The following CARS2 variants were observed in gnomAD, a reference collection of about 807,000 sequenced individuals.
The protein encoded by CARS2 is cysteinyl-tRNA synthetase 2, mitochondrial.
Under a neutral mutation model 68.8 loss-of-function variants are expected in CARS2, and 52 were observed. That is an observed-to-expected ratio of 0.76 (90% CI 0.61 to 0.95). The LOEUF is 0.95. Among genes scored for constraint, CARS2 ranks in the 40% least tolerant of loss-of-function variants. CARS2 has a pLI of 0.00. For missense variants in CARS2, 780 were observed against 754.2 expected, an observed-to-expected ratio of 1.03 and a Z score of -0.40; for synonymous variants, 314 against 303.6, an observed-to-expected ratio of 1.03 and a Z score of -0.36.
At chr13:110,646,146 G>C in intron 11 of CARS2, 56 bp from the exon 12 acceptor site, 2 of 1,567,708 alleles carry the variant, frequency 1.3e-6, no homozygotes, top group Non-Finnish European at 1.7e-6. Context: ...TCCCCAGGCG[G>C]CCCCCACACC....
At position 110,676,704 on chromosome 13, in the gene CARS2, G is replaced by A. The variant is rs1193013924; in HGVS notation, c.785+270C>T. Among the ~76,000 whole-genome samples the A allele has an allele frequency of 6.6e-6, 1 of 152,126 alleles. No individual in the cohort carries two copies. The highest frequency in any genetic ancestry group is 1.5e-5 in the Non-Finnish European group (1 of 67,996). ...CCAAGCACCAGCCACTACAGAGAAG[G>A]GTGAGGGAACAGGGCAGCTGCAAGT... On this transcript the variant is annotated intron_variant, in intron 7 of 14. Coordinates refer to ENST00000257347, the MANE Select transcript of CARS2 (RefSeq NM_024537.4). The surrounding 1 kb of genome is among the most constrained non-coding windows in gnomAD (Gnocchi z 4.0).
chr13:110,707,050 T>C (rs2063977298), upstream of CARS2, among the ~76,000 whole-genome samples: 1 of 147,790 alleles, frequency 6.8e-6, no homozygotes, highest in Admixed American at 6.7e-5. Flanking sequence ...CCCAATACAG[T>C]GTGCACCCCT....
At chr13:110,648,596 G>A (rs9588217) in intron 10 of CARS2, 27,299 of 152,152 alleles carry the variant, frequency 0.18, 2,922 homozygotes, top group African/African-American at 0.29. Flanking sequence ...AGCAAGCGAC[G>A]GCCCAGCTCC....
At position 110,676,867 on chromosome 13, in the gene CARS2, G is replaced by T. The variant is rs74125031; in HGVS notation, c.785+107C>A. 8,792 of 1,354,538 alleles carry T rather than the reference G, an allele frequency of 6.5e-3. 486 individuals carry two copies. In the African/African-American group the frequency reaches 0.12, roughly 18 times the overall value. 83.9% of individuals were successfully genotyped at this position (1,354,538 alleles called of 1,614,324 possible). A position where few individuals can be genotyped will look rare whatever the true frequency, so the allele number is the denominator to read the frequency against. On this transcript the variant is annotated intron_variant, in intron 7 of 14. Coordinates refer to ENST00000257347, the MANE Select transcript of CARS2 (RefSeq NM_024537.4). This position sits in a 1 kb window ranked among gnomAD's most constrained non-coding sequence, Gnocchi z 4.0. ...AATCTCTTCCCAAAAAATCACCCAT[G>T]GGCACACGTGCCAGGCTGCACCTGC...
At chr13:110,669,896 C>T (rs984414808) in intron 7 of CARS2, among the ~76,000 whole-genome samples, 1 of 152,198 alleles carries the variant, frequency 6.6e-6, no homozygotes, top group Non-Finnish European at 1.5e-5. Context: ...TAGCAAACGG[C>T]ACACCAGGAG....
At chr13:110,649,254 G>A (rs954918614) in intron 10 of CARS2, 1 of 152,268 alleles carries the variant, frequency 6.6e-6, no homozygotes, top group Non-Finnish European at 1.5e-5. Context: ...CCGATGCACT[G>A]CAGTTCCACC....
chr13:110,682,954 A>C, intron 6 of CARS2, 97 bp downstream of exon 6: 1 of 698,600 alleles, frequency 1.4e-6, no homozygotes, highest in Admixed American at 3.0e-5. Flanking sequence ...CCAGTGTCTG[A>C]GCAAGTGGAG....
rs573374703 is a variant in CARS2, at chr13:110,669,327, T to A, written c.786-1854A>T. Among the ~76,000 whole-genome samples, 3 of 152,228 alleles carry A rather than the reference T, an allele frequency of 2.0e-5. No homozygotes were observed. In the South Asian group the frequency reaches 6.2e-4, roughly 32 times the overall value. The stretch of plus-strand genomic sequence containing the variant: ...GGAGTCCATGAATGGAGCAGAGTCC[T>A]CGTGTGGGAGATAATTATCTCCACC... On this transcript the variant is annotated intron_variant, in intron 7 of 14. Transcript: ENST00000257347.
intron 1 of CARS2, among the ~76,000 whole-genome samples, chr13:110,711,971 A>G (rs2064032370): frequency 6.6e-6 from 1 of 152,260 alleles, no homozygotes; most frequent in Non-Finnish European, 1.5e-5. Flanking sequence ...AGATGTTACA[A>G]CAGGGTTCCA....
chr13:110,683,615 C>T (rs965784466), intron 5 of CARS2, among the ~76,000 whole-genome samples: 1 of 152,178 alleles, frequency 6.6e-6, no homozygotes, highest in Admixed American at 6.5e-5. Context: ...TTGTGTTACA[C>T]AACAGCTAAC....
At chr13:110,706,884 AC>A (rs1291235360), upstream of CARS2, among the ~76,000 whole-genome samples, 1 of 150,080 alleles carries the variant, frequency 6.7e-6, no homozygotes, top group Non-Finnish European at 1.5e-5. Context: ...AACACAGTGC[AC>A]CCCGATACAC....
chr13:110,692,955 C>T (rs1566336579), intron 3 of CARS2, among the ~76,000 whole-genome samples: 4 of 151,072 alleles, frequency 2.6e-5, no homozygotes, highest in African/African-American at 9.7e-5. Context: ...ACTAAAAATA[C>T]AAAAATTAGC....
chr13:110,652,450 A>G (rs1052656073), intron 9 of CARS2, among the ~76,000 whole-genome samples: 7 of 152,264 alleles, frequency 4.6e-5, no homozygotes, highest in African/African-American at 1.7e-4. Flanking sequence ...ACAACTGAAG[A>G]GCGTCTTGGG....
upstream of CARS2, among the ~76,000 whole-genome samples, chr13:110,708,910 C>T (rs568428528): frequency 3.3e-5 from 5 of 151,640 alleles, no homozygotes; most frequent in Admixed American, 1.3e-4. Flanking sequence ...CGTGCCACCA[C>T]GCTCAGCTAA....
Position 110,651,035 on chromosome 13 carries a change from T to A in CARS2, c.1053A>T (p.Ser351=). The A allele has an allele frequency of 1.2e-6, 2 of 1,612,034 alleles. No homozygotes were observed. The highest frequency in any genetic ancestry group is 2.2e-5 in the South Asian group (2 of 91,042). The change falls in exon 10 of 15, where the codon TCA becomes TCT. Residue 351 remains serine (S), a splice_region_variant and synonymous_variant. Transcript: ENST00000257347. Reference sequence around the variant, plus strand: ...CCACTCCACGTGTGCTCGGCTCACCTGAGCGGTAGCTGCTCCGCAGGCAGA... The same window carrying A: ...CCACTCCACGTGTGCTCGGCTCACCAGAGCGGTAGCTGCTCCGCAGGCAGA... ...RFFCLRSSYR[S]AIDYSDSAML...
intron 12 of CARS2, 114 bp downstream of exon 12, chr13:110,645,853 G>T: frequency 7.6e-7 from 1 of 1,310,960 alleles, no homozygotes; most frequent in Non-Finnish European, 1.0e-6. Context: ...CACAGAAGCT[G>T]CGGGAGGCGA....
intron 14 of CARS2, 148 bp from the exon 15 acceptor site, chr13:110,641,756 C>T: frequency 1.4e-6 from 1 of 709,026 alleles, no homozygotes; most frequent in Admixed American, 2.0e-5. Context: ...GCCCCACTAC[C>T]TCCAGCAGAA....
intron 12 of CARS2, 32 bp downstream of exon 12, chr13:110,645,935 A>G (rs775014066): frequency 1.2e-6 from 2 of 1,603,650 alleles, no homozygotes; most frequent in Admixed American, 1.7e-5. Flanking sequence ...CCCTGGCAGC[A>G]GGACCGCAAG....
At chr13:110,708,177 G>C (rs922685318), upstream of CARS2, among the ~76,000 whole-genome samples, 2 of 152,024 alleles carry the variant, frequency 1.3e-5, no homozygotes, top group Non-Finnish European at 2.9e-5. Flanking sequence ...GCTGTGGCTG[G>C]AAAAAAAAAA....
Sources: gnomAD v4.1 joint callset for allele counts (sites outside exome capture counted in the v4.1 genomes callset) on GRCh38, gnomAD v4.1.1 for gene constraint, Gnocchi (gnomAD v3.1) non-coding constraint, MANE v1.5 for transcripts, NCBI Gene and HGNC (gene_info 2026-07-23, HGNC 2026-07-21) for gene names.